Variants in GLCCI1 observed in about 807,000 individuals in gnomAD.
The protein encoded by GLCCI1 is glucocorticoid-induced transcript 1 protein.
Under a neutral mutation model 52.2 loss-of-function variants are expected in GLCCI1, and 24 were observed. The ratio of observed to expected loss-of-function variants is 0.46; its 90% CI spans 0.33 to 0.65. GLCCI1 has a LOEUF of 0.65. Ranked by LOEUF, GLCCI1 falls within the 30% of genes least tolerant of loss-of-function variation. GLCCI1 has a pLI of 0.02. For synonymous variants in GLCCI1, 310 were observed against 276.5 expected, an observed-to-expected ratio of 1.12 and a Z score of -1.20; for missense variants, 704 against 701.5, an observed-to-expected ratio of 1.00 and a Z score of -0.04.
intron 1 of GLCCI1, among the ~76,000 whole-genome samples, chr7:8,002,945 T>C (rs1034243576): frequency 3.3e-5 from 5 of 152,212 alleles, no homozygotes; most frequent in African/African-American, 1.2e-4. Context: ...TCTGTAGATT[T>C]TGGGTTCTTT....
intron 5 of GLCCI1, 28 bp downstream of exon 5, chr7:8,060,276 T>C (rs1782484288): frequency 1.3e-6 from 2 of 1,561,796 alleles, no homozygotes; most frequent in African/African-American, 1.4e-5. Context: ...ATTTGAATCC[T>C]TTTTTTCTCT....
At chr7:8,048,945 C>T (rs1782195881) in intron 3 of GLCCI1, among the ~76,000 whole-genome samples, 1 of 152,096 alleles carries the variant, frequency 6.6e-6, no homozygotes, top group African/African-American at 2.4e-5. Context: ...CCAGAGGGAA[C>T]GTAAGTAGAA....
At chr7:8,001,455 A>G (rs1180482296) in intron 1 of GLCCI1, among the ~76,000 whole-genome samples, 1 of 152,194 alleles carries the variant, frequency 6.6e-6, no homozygotes, top group Admixed American at 6.5e-5. Context: ...TCAGAAAACA[A>G]CAGATGCTGG....
At chr7:7,977,397 A>G (rs1291429794) in intron 1 of GLCCI1, among the ~76,000 whole-genome samples, 1 of 152,256 alleles carries the variant, frequency 6.6e-6, no homozygotes, top group Non-Finnish European at 1.5e-5. Flanking sequence ...GGAGCAAAGC[A>G]TGTTTGACTG....
chr7:8,015,862 G>A (rs934068569), intron 2 of GLCCI1, among the ~76,000 whole-genome samples: 2 of 152,106 alleles, frequency 1.3e-5, no homozygotes, highest in Admixed American at 6.5e-5. Flanking sequence ...CCATACCCCC[G>A]TTACCCTGAT....
At position 7,991,536 on chromosome 7, in the gene GLCCI1, C is replaced by T. The variant is rs146079173; in HGVS notation, c.458-12372C>T. ...ATTCCATAATATTAATAGCCATAAT[C>T]AGCTTTTTCTTGGCCTTGAAAATAA... On this transcript the variant is annotated intron_variant, in intron 1 of 7. Coordinates refer to ENST00000223145, the MANE Select transcript of GLCCI1 (RefSeq NM_138426.4). 1.4e-4 allele frequency among the ~76,000 whole-genome samples: 21 copies of T among 152,080 alleles called. 1 individual carries two copies. Among genetic ancestry groups the T allele is most frequent in the Admixed American group, 4.6e-4 (7 of 15,262 alleles).
chr7:7,974,556 A>G (rs750106211), intron 1 of GLCCI1, among the ~76,000 whole-genome samples: 1 of 152,166 alleles, frequency 6.6e-6, no homozygotes, highest in Non-Finnish European at 1.5e-5. Context: ...TTTACTTGTG[A>G]TAAGTCAGAC....
intron 5 of GLCCI1, among the ~76,000 whole-genome samples, chr7:8,063,045 C>A (rs902071831): frequency 1.3e-5 from 2 of 152,212 alleles, no homozygotes; most frequent in Non-Finnish European, 2.9e-5. Context: ...CACCACAGTG[C>A]TTTCCACAGT....
At chr7:8,053,751 A>G (rs1782322566) in intron 3 of GLCCI1, among the ~76,000 whole-genome samples, 3 of 152,202 alleles carry the variant, frequency 2.0e-5, no homozygotes, top group Admixed American at 2.0e-4. Flanking sequence ...TATAATATAC[A>G]TTTAGAAAGA....
At chr7:7,976,787 C>G (rs1175276707) in intron 1 of GLCCI1, among the ~76,000 whole-genome samples, 2 of 151,902 alleles carry the variant, frequency 1.3e-5, no homozygotes, top group African/African-American at 4.8e-5. Flanking sequence ...GTGGGACACT[C>G]CTGTAGTCCA....
At chr7:8,049,564 G>A (rs143964487) in intron 3 of GLCCI1, among the ~76,000 whole-genome samples, 2 of 152,068 alleles carry the variant, frequency 1.3e-5, no homozygotes, top group East Asian at 3.9e-4. Flanking sequence ...CAGTTTTGAA[G>A]GTCACATAAA....
intron 1 of GLCCI1, among the ~76,000 whole-genome samples, chr7:7,971,550 G>GA (rs1353112259): frequency 6.6e-6 from 1 of 152,184 alleles, no homozygotes; most frequent in East Asian, 1.9e-4. Flanking sequence ...GTGTGAGTAA[G>GA]AGAAGTTTCG....
At chr7:8,011,977 A>G (rs147455256) in intron 2 of GLCCI1, among the ~76,000 whole-genome samples, 10,135 of 151,670 alleles carry the variant, frequency 0.067, 355 homozygotes, top group East Asian at 0.091. Flanking sequence ...CACCACGCCC[A>G]GCTAATTTTT....
rs112046930 is a variant in GLCCI1 at position 8,066,374 on chromosome 7, C to G, written c.967-4547C>G. On this transcript the variant is annotated intron_variant, in intron 5 of 7. Coordinates refer to ENST00000223145, the MANE Select transcript of GLCCI1 (RefSeq NM_138426.4). Reference sequence around the variant, plus strand: ...TAATCTTTTATGGTTTTTTGCATCTCAGTTTCTTTCAGGTCAGCTCTGATT... The same window carrying G: ...TAATCTTTTATGGTTTTTTGCATCTGAGTTTCTTTCAGGTCAGCTCTGATT... Among the ~76,000 whole-genome samples, 167 of 152,072 alleles carry G rather than the reference C, an allele frequency of 1.1e-3. 1 individual carries two copies. Among genetic ancestry groups the G allele is most frequent in the Non-Finnish European group, 2.0e-3 (135 of 67,986 alleles).
intron 3 of GLCCI1, among the ~76,000 whole-genome samples, chr7:8,032,691 G>C (rs1781781512): frequency 6.6e-6 from 1 of 151,982 alleles, no homozygotes; most frequent in South Asian, 2.1e-4. Context: ...AAGGTATAAA[G>C]TGCCAAAGCT....
chr7:8,066,781 G>C (rs1236773297), intron 5 of GLCCI1, among the ~76,000 whole-genome samples: 1 of 151,984 alleles, frequency 6.6e-6, no homozygotes, highest in Non-Finnish European at 1.5e-5. Flanking sequence ...TGAATTTGTA[G>C]AGGATTGTTT....
intron 3 of GLCCI1, among the ~76,000 whole-genome samples, chr7:8,032,991 A>G (rs1439221604): frequency 6.6e-6 from 1 of 151,990 alleles, no homozygotes; most frequent in East Asian, 1.9e-4. Flanking sequence ...GAATATAAAT[A>G]TAAAATTATT....
intron 2 of GLCCI1, among the ~76,000 whole-genome samples, chr7:8,009,486 A>G (rs1781218631): frequency 6.6e-6 from 1 of 152,214 alleles, no homozygotes; most frequent in South Asian, 2.1e-4. Context: ...CTATTCATAA[A>G]TATTGGCATT....
Position 7,987,202 on chromosome 7 carries a change from T to C in GLCCI1, c.458-16706T>C, listed in dbSNP as rs549750856. ...TGTGTACCTTGTGTTCCTGCCAAAC[T>C]GAACTCACTTTCTTTGGGTATATTT... On this transcript the variant is annotated intron_variant, in intron 1 of 7. Transcript: ENST00000223145. Among the ~76,000 whole-genome samples, 126 of 152,346 alleles carry C rather than the reference T, an allele frequency of 8.3e-4. 1 individual carries two copies. The highest frequency in any genetic ancestry group is 2.8e-3 in the African/African-American group (118 of 41,580).
Sources: gnomAD v4.1 joint callset for allele counts (sites outside exome capture counted in the v4.1 genomes callset) on GRCh38, gnomAD v4.1.1 for gene constraint, MANE v1.5 for transcripts, NCBI Gene and HGNC (gene_info 2026-07-23, HGNC 2026-07-21) for gene names.